The following PTPRD variants were observed in gnomAD, a reference collection of about 807,000 sequenced individuals.
PTPRD encodes the protein protein tyrosine phosphatase receptor type D, also known as receptor-type tyrosine-protein phosphatase delta.
A neutral mutation model predicts 214.5 loss-of-function variants in PTPRD; 34 were observed. The ratio of observed to expected loss-of-function variants is 0.16; its 90% confidence interval spans 0.12 to 0.21. The LOEUF is 0.21. Ranked by LOEUF, PTPRD falls within the 10% of genes least tolerant of loss-of-function variation. The pLI is 1.00. For synonymous variants in PTPRD, 1,128 were observed against 845.7 expected, an observed-to-expected ratio of 1.33 and a Z score of -5.79; for missense variants, 2,545 against 2,398.7, an observed-to-expected ratio of 1.06 and a Z score of -1.27.
intron 8 of PTPRD, among the ~76,000 whole-genome samples, chr9:9,401,682 G>T (rs573732371): frequency 2.0e-5 from 3 of 151,184 alleles, no homozygotes; most frequent in African/African-American, 4.9e-5. Context: ...CACCGGAATC[G>T]CATCTTGAAT....
At chr9:10,259,711 C>T (rs1434344856) in intron 3 of PTPRD, among the ~76,000 whole-genome samples, 2 of 152,182 alleles carry the variant, frequency 1.3e-5, no homozygotes, top group East Asian at 3.8e-4. Context: ...AACAAATACT[C>T]CTGTTTATTG....
intron 8 of PTPRD, among the ~76,000 whole-genome samples, chr9:9,570,006 A>T (rs943312046): frequency 6.6e-6 from 1 of 150,550 alleles, no homozygotes; most frequent in Admixed American, 6.6e-5. Context: ...TCAGAACTAG[A>T]ACTCCATTTT....
chr9:9,769,763 C>T lies in PTPRD; in HGVS notation c.-367-2912G>A, dbSNP rs1209421382. ...TCCTAATGCTATCCCTCCCCTAGCC[C>T]CCCACCCACCAACAGGCCCCGGTGT... On this transcript the variant is annotated intron_variant, in intron 5 of 45. Transcript: ENST00000381196. Among the ~76,000 whole-genome samples, 4 of 152,086 alleles carry T rather than the reference C, an allele frequency of 2.6e-5. No homozygotes were observed. In the East Asian group the frequency reaches 5.8e-4, roughly 22 times the overall value.
chr9:8,826,278 C>T (rs1434254), intron 11 of PTPRD, among the ~76,000 whole-genome samples: 87,645 of 151,918 alleles, frequency 0.58, 26,264 homozygotes, highest in African/African-American at 0.75. Flanking sequence ...CAATCTATTC[C>T]TTACAAAGCA....
chr9:9,449,343 A>C (rs1326280793), intron 8 of PTPRD, among the ~76,000 whole-genome samples: 2 of 152,108 alleles, frequency 1.3e-5, no homozygotes, highest in Non-Finnish European at 2.9e-5. Context: ...TTGCCTAATG[A>C]ATAAGGCAAT....
intron 44 of PTPRD, among the ~76,000 whole-genome samples, chr9:8,323,422 A>G (rs1169469969): frequency 6.6e-6 from 1 of 152,246 alleles, no homozygotes; most frequent in Non-Finnish European, 1.5e-5. Flanking sequence ...GTCTGGGCAA[A>G]GTAAATTGAA....
chr9:8,778,966 CAAT>C (rs762821416), intron 11 of PTPRD, among the ~76,000 whole-genome samples: 1 of 151,948 alleles, frequency 6.6e-6, no homozygotes, highest in Non-Finnish European at 1.5e-5. Flanking sequence ...AAAAGCAACA[CAAT>C]GATTCTTTAT....
intron 37 of PTPRD, 123 bp downstream of exon 37, chr9:8,389,109 A>T: frequency 4.0e-6 from 3 of 759,200 alleles, no homozygotes; most frequent in Non-Finnish European, 5.9e-6. Flanking sequence ...GCCCATTCAT[A>T]ATTAGTATCT....
At chr9:9,840,253 G>C (rs1168640708) in intron 5 of PTPRD, among the ~76,000 whole-genome samples, 9 of 151,946 alleles carry the variant, frequency 5.9e-5, no homozygotes, top group African/African-American at 1.2e-4. Context: ...GGCCTCAAGC[G>C]ATCCTCCCAC....
At chr9:8,962,509 A>AT (rs1279680082) in intron 11 of PTPRD, among the ~76,000 whole-genome samples, 2 of 150,254 alleles carry the variant, frequency 1.3e-5, no homozygotes, top group Non-Finnish European at 3.0e-5. Context: ...GGGGGAGGGA[A>AT]TAAAAAAGGA....
At chr9:10,551,332 T>A (rs1328702834) in intron 2 of PTPRD, among the ~76,000 whole-genome samples, 1 of 152,144 alleles carries the variant, frequency 6.6e-6, no homozygotes, top group Non-Finnish European at 1.5e-5. Context: ...CAGGGAGACC[T>A]TGTCACCAAA....
chr9:9,783,483 T>C (rs911906358), intron 5 of PTPRD, among the ~76,000 whole-genome samples: 4 of 152,084 alleles, frequency 2.6e-5, no homozygotes, highest in Admixed American at 6.5e-5. Context: ...CAAATTAAAA[T>C]GTAATGTGAA....
At chr9:9,448,993 A>G (rs1157076816) in intron 8 of PTPRD, among the ~76,000 whole-genome samples, 1 of 152,076 alleles carries the variant, frequency 6.6e-6, no homozygotes, top group Non-Finnish European at 1.5e-5. Flanking sequence ...TCCTATCTCC[A>G]CTTTCAGCTT....
intron 3 of PTPRD, among the ~76,000 whole-genome samples, chr9:10,242,609 AT>A (rs57797070): frequency 1.9e-4 from 27 of 143,302 alleles, no homozygotes; most frequent in East Asian, 1.0e-3. Flanking sequence ...CATTGAATAC[AT>A]TTTTTTTTTT....
At chr9:8,343,749 AT>A (rs1382600562) in intron 39 of PTPRD, among the ~76,000 whole-genome samples, 2 of 152,170 alleles carry the variant, frequency 1.3e-5, no homozygotes, top group Admixed American at 6.5e-5. Flanking sequence ...ATTAAAAAAA[AT>A]ATTTGTGTGC....
chr9:8,523,413 A>C (rs1045043699), intron 19 of PTPRD, 100 bp downstream of exon 19: 17 of 1,405,872 alleles, frequency 1.2e-5, no homozygotes, highest in Non-Finnish European at 1.7e-5. Context: ...ATTAACCAAA[A>C]GAAGAACACA....
At chr9:9,795,561 G>C (rs904173349) in intron 5 of PTPRD, among the ~76,000 whole-genome samples, 1 of 151,956 alleles carries the variant, frequency 6.6e-6, no homozygotes, top group Admixed American at 6.6e-5. Flanking sequence ...AGTCAAAAAG[G>C]GACGTCAAAA....
chr9:9,055,264 A>G lies in PTPRD; in HGVS notation c.-142-36529T>C, dbSNP rs536147657. 3.3e-5 allele frequency among the ~76,000 whole-genome samples: 5 copies of G among 152,298 alleles called. No individual in the cohort carries two copies. In the East Asian group the frequency reaches 7.7e-4, roughly 23 times the overall value. ...TGATGATTATAGTTAACAATATTTT[A>G]TGTTCTTGAAAAATACTGAGAGTGG... On this transcript the variant is annotated intron_variant, in intron 10 of 45. Coordinates refer to ENST00000381196, the MANE Select transcript of PTPRD (RefSeq NM_002839.4).
chr9:10,004,571 A>G (rs2096424468), intron 4 of PTPRD, among the ~76,000 whole-genome samples: 1 of 151,982 alleles, frequency 6.6e-6, no homozygotes, highest in South Asian at 2.1e-4. Context: ...TATACAATAA[A>G]TAATTAAATA....
Sources: gnomAD v4.1 joint callset for allele counts (sites outside exome capture counted in the v4.1 genomes callset) on GRCh38, gnomAD v4.1.1 for gene constraint, MANE v1.5 for transcripts, NCBI Gene and HGNC (gene_info 2026-07-23, HGNC 2026-07-21) for gene names.